The following ADAM19 variants were observed in gnomAD, a reference collection of about 807,000 sequenced individuals.
The protein encoded by ADAM19 is ADAM metallopeptidase domain 19, also known as disintegrin and metalloproteinase domain-containing protein 19.
A neutral mutation model predicts 114.7 loss-of-function variants in ADAM19; 65 were observed. The ratio of observed to expected loss-of-function variants is 0.57; its 90% CI spans 0.46 to 0.70. The LOEUF (loss-of-function observed/expected upper bound fraction) is 0.70, where lower values mean the gene tolerates loss of function less well. Ranked by LOEUF, ADAM19 falls within the 30% of genes least tolerant of loss-of-function variation. The pLI is 0.00. For missense variants in ADAM19, 1,063 were observed against 1,204.7 expected (o/e 0.88, Z 1.74); for synonymous variants, 466 against 460.5 (o/e 1.01, Z -0.15).
chr5:157,509,411 G>T lies in ADAM19; in HGVS notation c.795C>A (p.His265Gln), dbSNP rs529819229. The change falls in exon 9 of 23, where the codon CAC becomes CAA. Residue 265 changes from histidine to glutamine, a missense_variant. His to Gln is a conservative substitution (Grantham distance 24, BLOSUM62 0). This residue lies in a region of ADAM19 where 615 missense variants were observed against 706.3 expected (regional missense o/e 0.87). Coordinates refer to ENST00000257527, the MANE Select transcript of ADAM19 (RefSeq NM_033274.5). ...IALVGLEVWT[H>Q]GNMCEVSENP... ...TCTCTGAAACTTCACACATGTTCCC[G>T]TGGGTCCACACTTCCAAGCCCACGA... is the stretch of plus-strand genomic sequence containing the variant. The T allele has an allele frequency of 1.2e-6, 2 of 1,613,124 alleles. No homozygotes were observed. Among genetic ancestry groups the T allele is most frequent in the East Asian group, 2.2e-5 (1 of 44,882 alleles).
intron 4 of ADAM19, among the ~76,000 whole-genome samples, chr5:157,532,427 G>C (rs763193157): frequency 6.6e-6 from 1 of 152,212 alleles, no homozygotes; most frequent in African/African-American, 2.4e-5. Flanking sequence ...AAGCAAATAC[G>C]CACTGTTGGG....
chr5:157,520,011 C>A lies in ADAM19; in HGVS notation c.428G>T (p.Ser143Ile). ...RGIRGLITVS[S>I]NLSYVIEPLP... ...GGGCTCGATGACGTAGCTGAGGTTG[C>A]TGCTCACCGTAATCAGTCCTCTGTT... is the stretch of plus-strand genomic sequence containing the variant. The change falls in exon 6 of 23, where the codon AGC (serine) becomes ATC (isoleucine). Residue 143 changes from serine to isoleucine, a missense_variant. Physicochemically the swap from Ser to Ile is moderately radical, Grantham distance 142 (BLOSUM62 -2). This residue lies in a region of ADAM19 where 615 missense variants were observed against 706.3 expected (regional missense o/e 0.87). Coordinates refer to ENST00000257527, the MANE Select transcript of ADAM19 (RefSeq NM_033274.5). 1 of 1,613,962 alleles carries A rather than the reference C, an allele frequency of 6.2e-7. No homozygotes were observed. The highest frequency in any genetic ancestry group is 8.5e-7 in the Non-Finnish European group (1 of 1,179,906).
In ADAM19 at chr5:157,552,535, C is replaced by G. The variant is rs551869232; in HGVS notation, c.251+11838G>C. Reference sequence around the variant, plus strand: ...TCTACTAAAAATACAAAAAGTTAGCCGGGCATGGTGGTGTGTGCCTGTAGT... The same window carrying G: ...TCTACTAAAAATACAAAAAGTTAGCGGGGCATGGTGGTGTGTGCCTGTAGT... On this transcript the variant is annotated intron_variant, in intron 3 of 22. Coordinates refer to ENST00000257527, the MANE Select transcript of ADAM19 (RefSeq NM_033274.5). Among the ~76,000 whole-genome samples the G allele has an allele frequency of 5.5e-3, 834 of 151,808 alleles. 5 individuals are homozygous for G. Among genetic ancestry groups the G allele is most frequent in the African/African-American group, 0.019 (787 of 41,380 alleles).
chr5:157,514,405 C>T (rs1410410932), intron 7 of ADAM19, among the ~76,000 whole-genome samples: 2 of 150,722 alleles, frequency 1.3e-5, no homozygotes, highest in Non-Finnish European at 2.9e-5. Flanking sequence ...TCTCGGCTTA[C>T]AACCTCCGCC....
At chr5:157,559,257 A>G (rs1757444113) in intron 3 of ADAM19, among the ~76,000 whole-genome samples, 1 of 152,238 alleles carries the variant, frequency 6.6e-6, no homozygotes, top group Non-Finnish European at 1.5e-5. Context: ...ATGGGGTTAG[A>G]CCAAAGGACG....
intron 5 of ADAM19, among the ~76,000 whole-genome samples, chr5:157,529,395 A>G (rs2113754031): frequency 6.6e-6 from 1 of 152,262 alleles, no homozygotes; most frequent in Middle Eastern, 3.4e-3. Flanking sequence ...ATACATGTGT[A>G]GATCCTACTG....
chr5:157,489,906 G>C (rs1159305317), intron 19 of ADAM19, among the ~76,000 whole-genome samples: 1 of 152,218 alleles, frequency 6.6e-6, no homozygotes, highest in Non-Finnish European at 1.5e-5. Flanking sequence ...AGAATCGCTT[G>C]AACTCAGGAG....
intron 4 of ADAM19, among the ~76,000 whole-genome samples, chr5:157,533,520 A>T (rs1469329588): frequency 6.6e-6 from 1 of 152,092 alleles, no homozygotes; most frequent in Non-Finnish European, 1.5e-5. Flanking sequence ...AGAACTCAAC[A>T]GGGGAGCCAC....
intron 7 of ADAM19, among the ~76,000 whole-genome samples, chr5:157,513,752 A>G (rs3734031): frequency 0.077 from 11,770 of 152,252 alleles, 589 homozygotes; most frequent in South Asian, 0.17. Context: ...TTATGCACGG[A>G]GTAGAATTGC....
chr5:157,521,865 C>T (rs551942032), intron 5 of ADAM19, among the ~76,000 whole-genome samples: 59 of 152,328 alleles, frequency 3.9e-4, no homozygotes, highest in Middle Eastern at 3.4e-3. Context: ...CTAACGGCTA[C>T]ACACTTTGGG....
rs557352637 is a variant in ADAM19, at chr5:157,519,998, G to A, written c.441C>T (p.Tyr147=). The A allele has an allele frequency of 3.7e-5, 60 of 1,614,108 alleles. No homozygotes were observed. The highest frequency in any genetic ancestry group is 3.4e-4 in the South Asian group (31 of 91,074). The change falls in exon 6 of 23, where the codon TAC becomes TAT. Residue 147 remains tyrosine, a synonymous_variant. Transcript: ENST00000257527. ...GLITVSSNLS[Y]VIEPLPDSKG... Reference sequence around the variant, plus strand: ...TGCTGTCAGGGAGGGGCTCGATGACGTAGCTGAGGTTGCTGCTCACCGTAA... The same window carrying A: ...TGCTGTCAGGGAGGGGCTCGATGACATAGCTGAGGTTGCTGCTCACCGTAA...
At chr5:157,557,966 T>C (rs1757412317) in intron 3 of ADAM19, among the ~76,000 whole-genome samples, 1 of 152,138 alleles carries the variant, frequency 6.6e-6, no homozygotes, top group Non-Finnish European at 1.5e-5. Flanking sequence ...GTTTGGCTTA[T>C]AAAAAATCAC....
rs894472420 is a variant in ADAM19, at chr5:157,477,412, T to C, written c.*3537A>G. On this transcript the variant is annotated 3_prime_UTR_variant, in exon 23 of 23. Transcript: ENST00000257527. ...ATAGATGTACAAATATTGTAAACAA[T>C]TAATAGGTGGACAAGAGAGAAGAAG... 2 of 1,019,646 alleles carry C rather than the reference T, an allele frequency of 2.0e-6. No homozygotes were observed. The highest frequency in any genetic ancestry group is 2.4e-6 in the Non-Finnish European group (2 of 848,490). The allele number at this position is 1,019,646 out of a possible 1,614,324, so 63.2% of individuals were successfully genotyped here.
Position 157,477,656 on chromosome 5 carries a change from A to G in ADAM19, c.*3293T>C. 3 of 1,289,392 alleles carry G rather than the reference A, an allele frequency of 2.3e-6. No homozygotes were observed. The highest frequency in any genetic ancestry group is 3.0e-6 in the Non-Finnish European group (3 of 988,634). The allele number at this position is 1,289,392 out of a possible 1,614,324, so 79.9% of individuals were successfully genotyped here. On this transcript the variant is annotated 3_prime_UTR_variant, in exon 23 of 23. Coordinates refer to ENST00000257527, the MANE Select transcript of ADAM19 (RefSeq NM_033274.5). ...CATGGCTTTCTTGGGTGTCCAGCAG[A>G]GCTGTTATACACGTGGTTAACACAA...
intron 4 of ADAM19, among the ~76,000 whole-genome samples, chr5:157,534,915 A>G (rs184293803): frequency 2.1e-4 from 32 of 152,256 alleles, no homozygotes; most frequent in African/African-American, 7.5e-4. Context: ...GGCTTGTCAG[A>G]GCTCTTTTAT....
intron 21 of ADAM19, among the ~76,000 whole-genome samples, chr5:157,487,665 T>C (rs5026821): frequency 0.29 from 44,032 of 151,872 alleles, 6,939 homozygotes; most frequent in East Asian, 0.72. Context: ...CCAGGGCTGG[T>C]GGGGGAGAGT....
chr5:157,522,104 C>G (rs899495309), intron 5 of ADAM19, among the ~76,000 whole-genome samples: 3 of 152,212 alleles, frequency 2.0e-5, no homozygotes, highest in Non-Finnish European at 4.4e-5. Flanking sequence ...CTCATAGTGG[C>G]TGCAGATTAT....
chr5:157,477,608 G>C lies in ADAM19; in HGVS notation c.*3341C>G. 1 of 1,278,086 alleles carries C rather than the reference G, an allele frequency of 7.8e-7. No individual in the cohort carries two copies. Among genetic ancestry groups the C allele is most frequent in the Middle Eastern group, 2.2e-4 (1 of 4,644 alleles). 79.2% of individuals were successfully genotyped at this position (1,278,086 alleles called of 1,614,324 possible). A position where few individuals can be genotyped will look rare whatever the true frequency, so the allele number is the denominator to read the frequency against. ...TCCTTCGCAGGCTCCCCTGGGGAAGGGGACCTTTCCAGTTGGCGTTCCCAT... is the reference window on the plus strand; with the variant it reads ...TCCTTCGCAGGCTCCCCTGGGGAAGCGGACCTTTCCAGTTGGCGTTCCCAT... On this transcript the variant is annotated 3_prime_UTR_variant, in exon 23 of 23. Coordinates refer to ENST00000257527, the MANE Select transcript of ADAM19 (RefSeq NM_033274.5).
At chr5:157,501,696 C>T (rs112160357) in intron 12 of ADAM19, among the ~76,000 whole-genome samples, 3 of 152,038 alleles carry the variant, frequency 2.0e-5, no homozygotes, top group Non-Finnish European at 2.9e-5. Context: ...GCATCCTTGA[C>T]TAGTTCTTGT....
Sources: allele counts gnomAD v4.1 joint callset (sites outside exome capture counted in the v4.1 genomes callset), GRCh38; gene constraint gnomAD v4.1.1; regional missense constraint gnomAD v4.1.1; transcripts MANE v1.5; gene names NCBI Gene and HGNC (gene_info 2026-07-23, HGNC 2026-07-21).